The following TTC27 variants were observed in gnomAD, a reference collection of about 807,000 sequenced individuals.
TTC27 encodes tetratricopeptide repeat domain 27, also known as tetratricopeptide repeat protein 27.
In TTC27, 79 loss-of-function variants were observed where a neutral mutation model predicts 115.9. That is an observed-to-expected ratio of 0.68 (90% CI 0.57 to 0.82). The LOEUF (loss-of-function observed/expected upper bound fraction) is 0.82, where lower values mean the gene tolerates loss of function less well. TTC27 is among the 40% of genes least tolerant of loss of function. The pLI is 0.00. For synonymous variants in TTC27, 401 were observed against 356.0 expected (o/e 1.13, Z -1.42); for missense variants, 1,054 against 993.1 (o/e 1.06, Z -0.82).
intron 16 of TTC27, among the ~76,000 whole-genome samples, chr2:32,795,035 A>C (rs886345327): frequency 6.6e-6 from 1 of 152,100 alleles, no homozygotes; most frequent in Admixed American, 6.5e-5. Flanking sequence ...AATCTTTCTT[A>C]AACTTTTCCA....
intron 14 of TTC27, among the ~76,000 whole-genome samples, chr2:32,780,411 A>G (rs865964106): frequency 2.6e-5 from 4 of 151,814 alleles, no homozygotes; most frequent in African/African-American, 9.7e-5. Flanking sequence ...CCTTTTTCAT[A>G]CTATTATAAA....
chr2:32,663,664 GTATGTA>G (rs1201598642), intron 5 of TTC27, among the ~76,000 whole-genome samples: 9 of 151,618 alleles, frequency 5.9e-5, no homozygotes, highest in African/African-American at 2.2e-4. Flanking sequence ...ATGTATGTAT[GTATGTA>G]TGTATGTATG....
chr2:32,762,924 G>A (rs1233456126), intron 13 of TTC27, among the ~76,000 whole-genome samples: 1 of 152,220 alleles, frequency 6.6e-6, no homozygotes, highest in Non-Finnish European at 1.5e-5. Context: ...ACAGGCGTGA[G>A]CCACCGCGCT....
chr2:32,791,586 T>G (rs755688747), intron 16 of TTC27, among the ~76,000 whole-genome samples: 1 of 152,244 alleles, frequency 6.6e-6, no homozygotes, highest in South Asian at 2.1e-4. Context: ...CAGGTAGGCA[T>G]GTCTTATTTT....
intron 18 of TTC27, among the ~76,000 whole-genome samples, chr2:32,813,459 G>A (rs1232561433): frequency 6.6e-6 from 1 of 152,156 alleles, no homozygotes; most frequent in African/African-American, 2.4e-5. Context: ...TTGACCTTGG[G>A]TAAATAATTT....
chr2:32,662,377 GGCT>G (rs1665581234), intron 5 of TTC27, among the ~76,000 whole-genome samples: 1 of 152,076 alleles, frequency 6.6e-6, no homozygotes, highest in African/African-American at 2.4e-5. Context: ...GGTAGAATTC[GGCT>G]GTGAATCTGT....
chr2:32,704,969 A>G, intron 10 of TTC27: 1 of 467,376 alleles, frequency 2.1e-6, no homozygotes, highest in Non-Finnish European at 4.4e-6. Context: ...CTCTTTTCCC[A>G]TTGTAATTAA....
chr2:32,702,012 A>AG (rs1667200434), intron 9 of TTC27, among the ~76,000 whole-genome samples: 1 of 88,380 alleles, frequency 1.1e-5, no homozygotes, highest in African/African-American at 4.1e-5. Flanking sequence ...TCCTGTCTCA[A>AG]AAAAAAAAAA....
At chr2:32,714,647 G>T (rs1257217296) in intron 10 of TTC27, among the ~76,000 whole-genome samples, 1 of 152,102 alleles carries the variant, frequency 6.6e-6, no homozygotes, top group Non-Finnish European at 1.5e-5. Flanking sequence ...TCTGTTTTAA[G>T]TTCTTTGAGA....
At chr2:32,655,900 G>A (rs1021490387) in intron 5 of TTC27, among the ~76,000 whole-genome samples, 1 of 152,122 alleles carries the variant, frequency 6.6e-6, no homozygotes, top group Non-Finnish European at 1.5e-5. Flanking sequence ...TTCAAATAAA[G>A]TAAAATAGAT....
chr2:32,628,911 C>G (rs187912648), intron 1 of TTC27, among the ~76,000 whole-genome samples: 80 of 151,676 alleles, frequency 5.3e-4, no homozygotes, highest in African/African-American at 1.7e-3. Context: ...CAGGCATGCG[C>G]CACCACGCCC....
At position 32,672,366 on chromosome 2, in the gene TTC27, C is replaced by T. The variant is rs539141831; in HGVS notation, c.1034C>T (p.Ala345Val). Residue 345 changes from alanine (A) to valine (V), a missense_variant, in exon 8 of 20, where the codon GCT (alanine) becomes GTT (valine). By Grantham distance (64) the Ala-to-Val change is moderately conservative (BLOSUM62 0). Transcript: ENST00000317907. ...CCGGATCTGTGTGCTGAAGAGATCGCTATTATTCTTGGAATCTGGTGAGTT... is the reference window on the plus strand; with the variant it reads ...CCGGATCTGTGTGCTGAAGAGATCGTTATTATTCTTGGAATCTGGTGAGTT... ...QMPDLCAEEI[A>V]IILGICTNFQ... 19 of 1,613,008 alleles carry T rather than the reference C, an allele frequency of 1.2e-5. No individual in the cohort carries two copies. The highest frequency in any genetic ancestry group is 6.7e-5 in the African/African-American group (5 of 74,990).
At chr2:32,725,845 A>G (rs1668090826) in intron 10 of TTC27, among the ~76,000 whole-genome samples, 1 of 152,184 alleles carries the variant, frequency 6.6e-6, no homozygotes, top group South Asian at 2.1e-4. Flanking sequence ...GGACACATAG[A>G]CATTTCCACA....
intron 16 of TTC27, among the ~76,000 whole-genome samples, chr2:32,800,584 G>A (rs895838418): frequency 4.6e-5 from 7 of 151,898 alleles, no homozygotes; most frequent in Non-Finnish European, 8.8e-5. Context: ...TGCAACCTTC[G>A]CCACCTGGGT....
At chr2:32,807,862 GACATCACTT>G (rs1257003305) in intron 16 of TTC27, among the ~76,000 whole-genome samples, 2 of 150,256 alleles carry the variant, frequency 1.3e-5, no homozygotes, top group East Asian at 3.9e-4. Flanking sequence ...TGGTTTCCAT[GACATCACTT>G]TCTTACCTTT....
At chr2:32,643,647 C>A (rs1319215120) in intron 4 of TTC27, among the ~76,000 whole-genome samples, 2 of 152,106 alleles carry the variant, frequency 1.3e-5, no homozygotes, top group African/African-American at 4.8e-5. Context: ...ATGAGGCTGC[C>A]TAATGGCATT....
intron 13 of TTC27, among the ~76,000 whole-genome samples, chr2:32,777,252 A>C (rs963727470): frequency 1.3e-5 from 2 of 152,228 alleles, no homozygotes; most frequent in African/African-American, 4.8e-5. Context: ...TAATACATTC[A>C]TCAGTTGTGA....
intron 12 of TTC27, among the ~76,000 whole-genome samples, chr2:32,743,806 G>C (rs1668726545): frequency 6.6e-6 from 1 of 152,132 alleles, no homozygotes; most frequent in Non-Finnish European, 1.5e-5. Flanking sequence ...ATTTTTGTTA[G>C]ATCTCTCCTA....
intron 11 of TTC27, among the ~76,000 whole-genome samples, chr2:32,734,527 A>G (rs1668390716): frequency 1.3e-5 from 2 of 152,242 alleles, no homozygotes; most frequent in Admixed American, 6.5e-5. Context: ...TTCTGAGGCT[A>G]TGAGAATACC....
Sources: gnomAD v4.1 joint callset for allele counts (sites outside exome capture counted in the v4.1 genomes callset) on GRCh38, gnomAD v4.1.1 for gene constraint, MANE v1.5 for transcripts, NCBI Gene and HGNC (gene_info 2026-07-23, HGNC 2026-07-21) for gene names.